Variants in LOXHD1 observed in about 807,000 individuals in gnomAD.
LOXHD1 encodes lipoxygenase homology PLAT domains 1.
In LOXHD1, 205 loss-of-function variants were observed where a neutral mutation model predicts 248.2. The observed-to-expected ratio is 0.83, with a 90% CI of 0.74 to 0.93. The LOEUF (loss-of-function observed/expected upper bound fraction) is 0.93, where lower values mean the gene tolerates loss of function less well. Ranked by LOEUF, LOXHD1 falls within the 40% of genes least tolerant of loss-of-function variation. The pLI is 0.00. For synonymous variants in LOXHD1, 1,113 were observed against 1,162.8 expected (o/e 0.96, Z 0.87); for missense variants, 2,930 against 2,971.6 (o/e 0.99, Z 0.33).
intron 6 of LOXHD1, among the ~76,000 whole-genome samples, chr18:46,608,252 C>T (rs1057393238): frequency 6.6e-6 from 1 of 152,266 alleles, no homozygotes; most frequent in Non-Finnish European, 1.5e-5. Context: ...CAGAAGTTAA[C>T]GGAATACAAT....
chr18:46,564,093 AGTGTGTGTGT>A (rs57471507), intron 17 of LOXHD1, among the ~76,000 whole-genome samples: 3,045 of 149,022 alleles, frequency 0.02, 47 homozygotes, highest in Middle Eastern at 0.053. Flanking sequence ...GGAGAGAGAG[AGTGTGTGTGT>A]GTGTGTGTGT....
At chr18:46,560,048 T>TGCCTGGCCCC in intron 19 of LOXHD1, 35 bp downstream of exon 19, 59 of 1,226,290 alleles carry the variant, frequency 4.8e-5, no homozygotes, top group Non-Finnish European at 6.1e-5. Flanking sequence ...GTCTGGCCAC[T>TGCCTGGCCCC]CCCTCCCCAC....
At chr18:46,656,608 T>G (rs757718545) in intron 1 of LOXHD1, among the ~76,000 whole-genome samples, 1 of 152,146 alleles carries the variant, frequency 6.6e-6, no homozygotes, top group Non-Finnish European at 1.5e-5. Flanking sequence ...GCTTTGGGGA[T>G]GTTCAGGAGC....
chr18:46,538,212 T>G lies in LOXHD1; in HGVS notation c.4039A>C (p.Lys1347Gln). 6.5e-7 allele frequency: 1 copy of G among 1,544,222 alleles called. No homozygotes were observed. The highest frequency in any genetic ancestry group is 8.8e-7 in the Non-Finnish European group (1 of 1,140,632). Residue 1347 changes from lysine (K) to glutamine (Q), a missense_variant, in exon 26 of 41, where the codon AAG becomes CAG. Coordinates refer to ENST00000642948, the MANE Select transcript of LOXHD1 (RefSeq NM_001384474.1). Reference protein sequence around the residue: ...CTQQKYLCTNKREQKQFFERK... With the variant: ...CTQQKYLCTNQREQKQFFERK... ...TCAAAGAACTGCTTCTGTTCCCTCTTGTTGGTACACAGATACTTCTGCTGG... is the reference window on the plus strand; with the variant it reads ...TCAAAGAACTGCTTCTGTTCCCTCTGGTTGGTACACAGATACTTCTGCTGG...
At chr18:46,642,424 C>T (rs2038974565) in intron 2 of LOXHD1, among the ~76,000 whole-genome samples, 2 of 151,708 alleles carry the variant, frequency 1.3e-5, no homozygotes, top group South Asian at 4.2e-4. Flanking sequence ...GGAATAAACA[C>T]CTTAGGACTC....
intron 4 of LOXHD1, among the ~76,000 whole-genome samples, chr18:46,620,131 G>A (rs1351621682): frequency 6.6e-6 from 1 of 152,222 alleles, no homozygotes; most frequent in African/African-American, 2.4e-5. Context: ...GGACCAGGGA[G>A]GCCTCAGCCG....
At chr18:46,583,981 T>C (rs2038012122) in intron 12 of LOXHD1, among the ~76,000 whole-genome samples, 2 of 152,152 alleles carry the variant, frequency 1.3e-5, no homozygotes, top group Admixed American at 1.3e-4. Context: ...AAAGAAAATA[T>C]GGTATACATA....
intron 34 of LOXHD1, among the ~76,000 whole-genome samples, chr18:46,516,513 C>T (rs538765129): frequency 7.9e-5 from 12 of 152,144 alleles, no homozygotes; most frequent in African/African-American, 1.7e-4. Flanking sequence ...CGAGCTGCTC[C>T]GTCCATGAAA....
chr18:46,547,045 A>C lies in LOXHD1; in HGVS notation c.3364T>G (p.Cys1122Gly), dbSNP rs768020341. 1 of 1,551,642 alleles carries C rather than the reference A, an allele frequency of 6.4e-7. No individual in the cohort carries two copies. Among genetic ancestry groups the C allele is most frequent in the Non-Finnish European group, 8.7e-7 (1 of 1,147,000 alleles). ...MNNEITYYFP[C>G]QRWLAVEEDD... Reference sequence around the variant, plus strand: ...TCCTCCACTGCCAGCCAACGTTGGCATGGAAAGTAGTACCTGTGGGGGTGG... The same window carrying C: ...TCCTCCACTGCCAGCCAACGTTGGCCTGGAAAGTAGTACCTGTGGGGGTGG... The change falls in exon 22 of 41, where the codon TGC (cysteine) becomes GGC (glycine). Residue 1122 changes from cysteine (C) to glycine (G), a missense_variant. Physicochemically the swap from Cys to Gly is radical, Grantham distance 159 (BLOSUM62 -3). Transcript: ENST00000642948.
At position 46,557,453 on chromosome 18, in the gene LOXHD1, C is replaced by T. The variant is rs1365240100; in HGVS notation, c.3253G>A (p.Ala1085Thr). 7.1e-6 allele frequency: 11 copies of T among 1,552,038 alleles called. 1 individual carries two copies. The South Asian group carries it at 1.3e-4, about 18-fold the overall frequency. The change falls in exon 21 of 41, where the codon GCC (alanine) becomes ACC (threonine). Residue 1085 changes from alanine to threonine, a missense_variant. Transcript: ENST00000642948. ...TGGCGAATCCGAATCTTGGTCAGGG[C>T]CCCCAGGTCAATGGCATAGATGGTG... Reference protein sequence around the residue: ...TFTIYAIDLGALTKIRIRHDN... With the variant: ...TFTIYAIDLGTLTKIRIRHDN...
intron 4 of LOXHD1, among the ~76,000 whole-genome samples, chr18:46,638,536 G>A (rs1204340128): frequency 6.6e-6 from 1 of 152,168 alleles, no homozygotes; most frequent in African/African-American, 2.4e-5. Flanking sequence ...AGGAGGCTGA[G>A]GCAGGAGAAT....
At chr18:46,644,017 G>A (rs2144386940) in intron 2 of LOXHD1, among the ~76,000 whole-genome samples, 1 of 152,278 alleles carries the variant, frequency 6.6e-6, no homozygotes, top group Middle Eastern at 3.4e-3. Flanking sequence ...AGATGTTGAG[G>A]CCATTATGAA....
At chr18:46,649,371 A>G in intron 1 of LOXHD1, 102 bp from the exon 2 acceptor site, 1 of 970,286 alleles carries the variant, frequency 1.0e-6, no homozygotes, top group Non-Finnish European at 1.6e-6. Context: ...CCAAGCACAA[A>G]GGACTCTTGG....
intron 37 of LOXHD1, among the ~76,000 whole-genome samples, chr18:46,494,849 C>CTT (rs58016824): frequency 0.012 from 1,162 of 96,556 alleles, 15 homozygotes; most frequent in African/African-American, 0.015. Context: ...TTCTCTCTCT[C>CTT]TTTTTTTTTT....
intron 37 of LOXHD1, among the ~76,000 whole-genome samples, chr18:46,502,805 C>T (rs2034320196): frequency 6.6e-6 from 1 of 152,192 alleles, no homozygotes; most frequent in Non-Finnish European, 1.5e-5. Context: ...TCATAGTCTA[C>T]ATGAAATTCT....
rs573563471 is a variant in LOXHD1 at position 46,512,242 on chromosome 18, G to A, written c.5400-2427C>T. 2.0e-5 allele frequency among the ~76,000 whole-genome samples: 3 copies of A among 152,186 alleles called. No homozygotes were observed. In the South Asian group the frequency reaches 6.2e-4, roughly 32 times the overall value. ...TTTAAACTGAAGACTGGCCTTTAGA[G>A]ATGTCTTTTCAGGTTTTTTGCATGT... On this transcript the variant is annotated intron_variant, in intron 34 of 40. Transcript: ENST00000642948.
Position 46,629,285 on chromosome 18 carries a change from C to T in LOXHD1, c.511+10331G>A, listed in dbSNP as rs2144353219. 2.0e-5 allele frequency among the ~76,000 whole-genome samples: 3 copies of T among 152,320 alleles called. No individual in the cohort carries two copies. The East Asian group carries it at 5.8e-4, about 29-fold the overall frequency. ...AACTCAGGATGTATAGTCCCATGTG[C>T]TTTCTGACCCAGAGAGTTATTTTAA... On this transcript the variant is annotated intron_variant, in intron 4 of 40. Transcript: ENST00000642948.
intron 18 of LOXHD1, among the ~76,000 whole-genome samples, chr18:46,562,288 C>G (rs1260263544): frequency 6.6e-6 from 1 of 152,240 alleles, no homozygotes; most frequent in Admixed American, 6.5e-5. Flanking sequence ...GGTAAGGACT[C>G]TTTGCTGAAG....
At chr18:46,507,470 G>A in intron 36 of LOXHD1, 68 bp downstream of exon 36, 1 of 1,531,924 alleles carries the variant, frequency 6.5e-7, no homozygotes, top group Non-Finnish European at 8.8e-7. Context: ...CCAGAAACAA[G>A]GGCCTGAGCC....
Sources: gnomAD v4.1 joint callset for allele counts (sites outside exome capture counted in the v4.1 genomes callset) on GRCh38, gnomAD v4.1.1 for gene constraint, MANE v1.5 for transcripts, NCBI Gene and HGNC (gene_info 2026-07-23, HGNC 2026-07-21) for gene names.